Variants in TRMT11 observed in about 807,000 individuals in gnomAD.
TRMT11 encodes tRNA methyltransferase 11.
In TRMT11, 53 loss-of-function variants were observed where a neutral mutation model predicts 62.8. The observed-to-expected ratio is 0.84, with a 90% confidence interval of 0.68 to 1.06. The LOEUF (loss-of-function observed/expected upper bound fraction) is 1.06, where lower values mean the gene tolerates loss of function less well. Among genes scored for constraint, TRMT11 ranks in the 50% least tolerant of loss-of-function variants. The pLI, the probability that TRMT11 is intolerant of heterozygous loss-of-function variation, is 0.00. For missense variants in TRMT11, 556 were observed against 553.4 expected, an observed-to-expected ratio of 1.00 and a Z score of -0.05; for synonymous variants, 188 against 190.3, an observed-to-expected ratio of 0.99 and a Z score of 0.10.
intron 21 of TRMT11, among the ~76,000 whole-genome samples, chr6:126,160,996 C>A (rs1382694994): frequency 6.6e-6 from 1 of 152,150 alleles, no homozygotes; most frequent in Non-Finnish European, 1.5e-5. Flanking sequence ...CGGGGTGAGT[C>A]AAAAGGTCAA....
intron 21 of TRMT11, among the ~76,000 whole-genome samples, chr6:126,124,094 A>T (rs898702058): frequency 6.6e-6 from 1 of 151,474 alleles, no homozygotes; most frequent in East Asian, 2.0e-4. Context: ...TTGTTAGGGG[A>T]TTTCCTCAAA....
At chr6:126,144,686 C>T (rs1777955243) in intron 21 of TRMT11, among the ~76,000 whole-genome samples, 1 of 152,134 alleles carries the variant, frequency 6.6e-6, no homozygotes, top group Middle Eastern at 3.2e-3. Context: ...CCCTGTTGCC[C>T]ATTTGATTCT....
intron 12 of TRMT11, among the ~76,000 whole-genome samples, chr6:126,023,241 T>C (rs1490231773): frequency 3.9e-5 from 6 of 152,356 alleles, no homozygotes; most frequent in African/African-American, 1.4e-4. Context: ...TACAGCCTTC[T>C]AGAATGAAAA....
rs1281950785 is a variant in TRMT11, at chr6:125,986,583, G to T, written c.33G>T (p.Leu11=). Residue 11 remains leucine (L), a synonymous_variant, in exon 1 of 13, where the codon CTG becomes CTT. Coordinates refer to ENST00000334379, the MANE Select transcript of TRMT11 (RefSeq NM_001031712.3). MALSCTLNRY[L]LLMAQEHLEF... ...TGTCGTGTACCCTTAACAGGTATCT[G>T]CTCCTCATGGCGCAGGAGCATCTGG... 1.3e-6 allele frequency: 2 copies of T among 1,589,450 alleles called. No homozygotes were observed. Among genetic ancestry groups the T allele is most frequent in the South Asian group, 1.1e-5 (1 of 87,164 alleles).
chr6:126,227,912 T>A, the TRMT11 span, among the ~76,000 whole-genome samples: 1 of 152,212 alleles, frequency 6.6e-6, no homozygotes, highest in African/African-American at 2.4e-5. Flanking sequence ...GTGTGTCCTG[T>A]TGTAAAGGTA....
chr6:126,220,265 TCAAA>T, the TRMT11 span, among the ~76,000 whole-genome samples: 1 of 152,168 alleles, frequency 6.6e-6, no homozygotes, highest in Admixed American at 6.5e-5. Flanking sequence ...TATTTGGTGA[TCAAA>T]CAAAAAATTG....
At chr6:126,007,531 A>T (rs1193650571) in intron 7 of TRMT11, among the ~76,000 whole-genome samples, 2 of 152,044 alleles carry the variant, frequency 1.3e-5, no homozygotes, top group Non-Finnish European at 2.9e-5. Context: ...TTGAATGATT[A>T]AAAAAAGTGA....
intron 17 of TRMT11, among the ~76,000 whole-genome samples, chr6:126,070,950 A>G (rs1035873980): frequency 1.3e-5 from 2 of 152,190 alleles, no homozygotes; most frequent in African/African-American, 4.8e-5. Flanking sequence ...CTGGCAGGCC[A>G]CAGTGATTTT....
the TRMT11 span, among the ~76,000 whole-genome samples, chr6:126,222,627 G>GGACTTTATT: frequency 6.6e-6 from 1 of 150,882 alleles, no homozygotes; most frequent in Admixed American, 6.6e-5. Flanking sequence ...CTCTCAACTT[G>GGACTTTATT]GACTTTATTA....
intron 17 of TRMT11, among the ~76,000 whole-genome samples, chr6:126,064,700 C>CA (rs934714907): frequency 9.3e-5 from 14 of 151,194 alleles, no homozygotes; most frequent in African/African-American, 2.7e-4. Flanking sequence ...TTCTGTAGGC[C>CA]AAAAAAAATC....
At chr6:126,168,569 A>C (rs923781087) in intron 21 of TRMT11, among the ~76,000 whole-genome samples, 79 of 152,188 alleles carry the variant, frequency 5.2e-4, no homozygotes, top group African/African-American at 1.8e-3. Context: ...CCCAGGCTGG[A>C]GTGCAGTGGC....
chr6:126,113,146 T>C (rs1454320563), intron 18 of TRMT11, among the ~76,000 whole-genome samples: 2 of 152,026 alleles, frequency 1.3e-5, no homozygotes, highest in African/African-American at 4.8e-5. Flanking sequence ...ATCACTAAAG[T>C]ATAAACAAAG....
the TRMT11 span, among the ~76,000 whole-genome samples, chr6:126,254,647 A>G: frequency 6.6e-6 from 1 of 152,106 alleles, no homozygotes; most frequent in East Asian, 1.9e-4. Flanking sequence ...ACAAGGTGAG[A>G]GTTTTTTTTC....
intron 12 of TRMT11, among the ~76,000 whole-genome samples, chr6:126,026,842 G>T (rs1284663253): frequency 8.1e-6 from 1 of 122,912 alleles, no homozygotes; most frequent in Admixed American, 9.0e-5. Context: ...TTGCTCTGTT[G>T]CCCAGGATGG....
chr6:126,165,139 G>A (rs551775745), intron 21 of TRMT11, among the ~76,000 whole-genome samples: 13 of 152,104 alleles, frequency 8.5e-5, no homozygotes, highest in African/African-American at 2.4e-4. Flanking sequence ...TTAGCTGGGC[G>A]TAGTGGTGGG....
chr6:126,128,350 A>G (rs1366677652), intron 21 of TRMT11, among the ~76,000 whole-genome samples: 2 of 152,116 alleles, frequency 1.3e-5, no homozygotes, highest in Non-Finnish European at 2.9e-5. Flanking sequence ...TTCCTCTTAT[A>G]TCATCACTTA....
intron 21 of TRMT11, among the ~76,000 whole-genome samples, chr6:126,165,048 G>A (rs1451266611): frequency 3.9e-5 from 6 of 152,102 alleles, no homozygotes; most frequent in African/African-American, 1.2e-4. Context: ...GGAGGCTTAG[G>A]TGGGCGAATC....
chr6:126,189,730 A>G (rs1287093341), intron 1 of TRMT11, among the ~76,000 whole-genome samples: 1 of 152,132 alleles, frequency 6.6e-6, no homozygotes, highest in African/African-American at 2.4e-5. Context: ...TGGCTTAGTA[A>G]TAAGGTAGCA....
chr6:126,059,739 C>T (rs965702532), intron 17 of TRMT11, among the ~76,000 whole-genome samples: 2 of 152,150 alleles, frequency 1.3e-5, no homozygotes, highest in Non-Finnish European at 2.9e-5. Context: ...CTGATGAGAT[C>T]TGTGCTTCTG....
Sources: allele counts gnomAD v4.1 joint callset (sites outside exome capture counted in the v4.1 genomes callset), GRCh38; gene constraint gnomAD v4.1.1; transcripts MANE v1.5; gene names NCBI Gene and HGNC (gene_info 2026-07-23, HGNC 2026-07-21).